The following GRHL1 variants were observed in gnomAD, a reference collection of about 807,000 sequenced individuals.
GRHL1 encodes grainyhead like transcription factor 1, also known as grainyhead-like protein 1 homolog.
GRHL1 carries 38 observed loss-of-function variants against 75.7 expected under a neutral mutation model. The observed-to-expected ratio is 0.50, with a 90% CI of 0.39 to 0.66. The LOEUF (loss-of-function observed/expected upper bound fraction) is 0.66, where lower values mean the gene tolerates loss of function less well. Among genes scored for constraint, GRHL1 ranks in the 30% least tolerant of loss-of-function variants. The pLI is 0.00. For synonymous variants in GRHL1, 266 were observed against 279.4 expected (o/e 0.95, Z 0.48); for missense variants, 589 against 767.5 (o/e 0.77, Z 2.75).
In GRHL1 at chr2:9,997,857, C is replaced by T. The variant is rs184699638; in HGVS notation, c.1678-1108C>T. Among the ~76,000 whole-genome samples, 52 of 151,506 alleles carry T rather than the reference C, an allele frequency of 3.4e-4. No individual in the cohort carries two copies. The Middle Eastern group carries it at 0.01, about 30-fold the overall frequency. On this transcript the variant is annotated intron_variant, in intron 14 of 15. Coordinates refer to ENST00000324907, the MANE Select transcript of GRHL1 (RefSeq NM_198182.3). ...CAACAAAAAACAAACAAACAAAAAA[C>T]ATGCAAATTCTGATTACAGGGAAAG...
intron 5 of GRHL1, among the ~76,000 whole-genome samples, chr2:9,962,742 G>A (rs1282091214): frequency 6.6e-6 from 1 of 152,064 alleles, no homozygotes; most frequent in Non-Finnish European, 1.5e-5. Flanking sequence ...AATTCTTGGT[G>A]TTGGTGCTTT....
intron 5 of GRHL1, among the ~76,000 whole-genome samples, chr2:9,963,526 A>G (rs1667360031): frequency 6.6e-6 from 1 of 152,242 alleles, no homozygotes; most frequent in South Asian, 2.1e-4. Flanking sequence ...TATATAGGCC[A>G]AAAGGAATTT....
intron 8 of GRHL1, among the ~76,000 whole-genome samples, chr2:9,967,136 G>A (rs1449467964): frequency 6.6e-6 from 1 of 152,182 alleles, no homozygotes; most frequent in African/African-American, 2.4e-5. Flanking sequence ...TGGAGGAGGC[G>A]ATAAAGAGCC....
chr2:9,957,337 C>T (rs181795317), intron 2 of GRHL1, among the ~76,000 whole-genome samples: 5 of 151,680 alleles, frequency 3.3e-5, no homozygotes, highest in African/African-American at 1.2e-4. Flanking sequence ...AGGTCTTTGG[C>T]TGTATAAGCA....
At position 9,951,898 on chromosome 2, in the gene GRHL1, G is replaced by A; in HGVS notation, c.20+45G>A. 1.5e-6 allele frequency: 2 copies of A among 1,370,128 alleles called. No homozygotes were observed. The highest frequency in any genetic ancestry group is 1.9e-6 in the Non-Finnish European group (2 of 1,040,336). The allele number at this position is 1,370,128 out of a possible 1,614,324, so 84.9% of individuals were successfully genotyped here. A position where few individuals can be genotyped will look rare whatever the true frequency, so the allele number is the denominator to read the frequency against. ...CCGGCCGCCGCGGGGGGGCCGCGCT[G>A]AGGGGCCGCACCTGCAGCGAGCGAG... On this transcript the variant is annotated intron_variant, in intron 1 of 15. Transcript: ENST00000324907. This position sits in a 1 kb window ranked among gnomAD's most constrained non-coding sequence, Gnocchi z 4.2.
At chr2:9,999,097 A>G in intron 15 of GRHL1, 68 bp downstream of exon 15, 2 of 688,732 alleles carry the variant, frequency 2.9e-6, no homozygotes, top group Non-Finnish European at 2.4e-6. Context: ...AGTGTGACGC[A>G]CCCCCCAGTG....
At chr2:9,969,417 C>G (rs971131880) in intron 8 of GRHL1, among the ~76,000 whole-genome samples, 9 of 152,134 alleles carry the variant, frequency 5.9e-5, no homozygotes, top group Non-Finnish European at 1.3e-4. Flanking sequence ...AAGCTAAACT[C>G]TAGACCTTGA....
At chr2:9,996,245 T>A in intron 13 of GRHL1, 71 bp from the exon 14 acceptor site, 1 of 1,120,618 alleles carries the variant, frequency 8.9e-7, no homozygotes, top group Admixed American at 1.7e-5. Flanking sequence ...GTTTTCCTCT[T>A]TTGCTCATGT....
chr2:9,999,636 T>C (rs3791749), intron 15 of GRHL1, among the ~76,000 whole-genome samples: 76,130 of 152,138 alleles, frequency 0.5, 19,790 homozygotes, highest in African/African-American at 0.64. Flanking sequence ...ACCCTCCTGC[T>C]CAGGATCCTA....
intron 3 of GRHL1, chr2:9,960,445 A>G (rs930756180): frequency 2.0e-5 from 3 of 151,698 alleles, no homozygotes; most frequent in African/African-American, 7.3e-5. Context: ...GTCTCAAAAA[A>G]ATAAAAAATT....
At chr2:9,997,424 C>T (rs1461788294) in intron 14 of GRHL1, among the ~76,000 whole-genome samples, 4 of 152,154 alleles carry the variant, frequency 2.6e-5, no homozygotes, top group South Asian at 2.1e-4. Flanking sequence ...CCTGCCTGCC[C>T]ACAGCACAGG....
intron 1 of GRHL1, among the ~76,000 whole-genome samples, chr2:9,954,643 G>A (rs1666932971): frequency 6.6e-6 from 1 of 152,138 alleles, no homozygotes; most frequent in South Asian, 2.1e-4. Flanking sequence ...CTCGGGGATG[G>A]TTTTGTTTCG....
At chr2:9,952,618 T>TA (rs1666838792) in intron 1 of GRHL1, among the ~76,000 whole-genome samples, 2 of 151,942 alleles carry the variant, frequency 1.3e-5, no homozygotes, top group Admixed American at 1.3e-4. Context: ...GGTGGTAGTG[T>TA]AATAAGGCAT....
In GRHL1 at chr2:9,962,523, T is replaced by C. The variant is rs768304620; in HGVS notation, c.738T>C (p.Ser246=). Reference sequence around the variant, plus strand: ...ATTCAGAGGACTATGTTTTTGACAGTGTTTCTGGGTAATAGATGTCTTTTA... The same window carrying C: ...ATTCAGAGGACTATGTTTTTGACAGCGTTTCTGGGTAATAGATGTCTTTTA... ...GMNSEDYVFD[S]VSGNNFEYTL... is the part of the protein sequence containing the mutation. Residue 246 remains serine, a synonymous_variant, in exon 5 of 16, where the codon AGT becomes AGC. Transcript: ENST00000324907. The C allele has an allele frequency of 6.5e-7, 1 of 1,536,456 alleles. No homozygotes were observed. The highest frequency in any genetic ancestry group is 1.1e-5 in the South Asian group (1 of 89,432).
At chr2:9,975,322 A>ATGTGTG (rs1444651491) in intron 8 of GRHL1, among the ~76,000 whole-genome samples, 2 of 152,230 alleles carry the variant, frequency 1.3e-5, no homozygotes, top group Non-Finnish European at 2.9e-5. Context: ...TAGCAATTGA[A>ATGTGTG]AACTAAAAGT....
At chr2:9,961,898 A>G (rs1667295114) in intron 4 of GRHL1, among the ~76,000 whole-genome samples, 1 of 152,164 alleles carries the variant, frequency 6.6e-6, no homozygotes, top group African/African-American at 2.4e-5. Flanking sequence ...TTAATTCCAA[A>G]TAGTTCTGGG....
chr2:9,993,302 A>ACAAGTTT, intron 12 of GRHL1, 58 bp downstream of exon 12: 3 of 1,395,856 alleles, frequency 2.1e-6, no homozygotes, highest in Non-Finnish European at 3.1e-6. Flanking sequence ...TCAAACTTGT[A>ACAAGTTT]GAAAAACTGC....
chr2:9,954,392 C>T (rs1666920699), intron 1 of GRHL1, among the ~76,000 whole-genome samples: 1 of 152,104 alleles, frequency 6.6e-6, no homozygotes, highest in South Asian at 2.1e-4. Context: ...TGGAGGATTG[C>T]GTGAAGGATC....
At chr2:9,971,039 G>A (rs10176374) in intron 8 of GRHL1, among the ~76,000 whole-genome samples, 2,576 of 152,106 alleles carry the variant, frequency 0.017, 75 homozygotes, top group African/African-American at 0.059. Context: ...GTAAAAGAGG[G>A]GTGTAACCAT....
Sources: gnomAD v4.1 joint callset for allele counts (sites outside exome capture counted in the v4.1 genomes callset) on GRCh38, gnomAD v4.1.1 for gene constraint, Gnocchi (gnomAD v3.1) non-coding constraint, MANE v1.5 for transcripts, NCBI Gene and HGNC (gene_info 2026-07-23, HGNC 2026-07-21) for gene names.